Variants in PTAFR observed in about 807,000 individuals in gnomAD.
The protein encoded by PTAFR is platelet activating factor receptor.
In PTAFR, 8 loss-of-function variants were observed where a neutral mutation model predicts 14.7. The ratio of observed to expected loss-of-function variants is 0.54; its 90% confidence interval spans 0.32 to 0.98. The LOEUF (loss-of-function observed/expected upper bound fraction) is 0.98. Ranked by LOEUF, PTAFR falls within the 50% of genes least tolerant of loss-of-function variation. The probability of loss-of-function intolerance (pLI) is 0.04; values close to 1 mark genes in which losing one functional copy is unlikely to be tolerated. For missense variants in PTAFR, 337 were observed against 451.2 expected (o/e 0.75, Z 2.29); for synonymous variants, 156 against 176.5 (o/e 0.88, Z 0.92).
chr1:28,186,445 C>G (rs184336707), intron 1 of PTAFR, among the ~76,000 whole-genome samples: 3 of 152,196 alleles, frequency 2.0e-5, no homozygotes, highest in Admixed American at 2.0e-4. Flanking sequence ...AGAACCAGTA[C>G]AATCAAAATC....
rs910468207 is a variant in PTAFR at position 28,158,428 on chromosome 1, G to T, written c.-38-7369C>A. Among the ~76,000 whole-genome samples the T allele has an allele frequency of 3.3e-5, 5 of 152,296 alleles. No individual in the cohort carries two copies. The South Asian group carries it at 1.0e-3, about 32-fold the overall frequency. ...AAAAATAAGCAACAGGGCCAGGCGC[G>T]GTGGCTCACGCCTGTAATCCCAGCA... On this transcript the variant is annotated intron_variant, in intron 1 of 1. Coordinates refer to ENST00000373857, the MANE Select transcript of PTAFR (RefSeq NM_000952.5).
chr1:28,184,997 C>T (rs1220834371), intron 1 of PTAFR, among the ~76,000 whole-genome samples: 2 of 152,104 alleles, frequency 1.3e-5, no homozygotes, highest in Non-Finnish European at 2.9e-5. Context: ...TCCTCAGACA[C>T]TCAAAGTTAG....
upstream of PTAFR, among the ~76,000 whole-genome samples, chr1:28,180,916 GA>G (rs903646681): frequency 4.6e-5 from 7 of 151,878 alleles, no homozygotes; most frequent in African/African-American, 1.7e-4. Flanking sequence ...TGAAGGGAGA[GA>G]GGGGAGAAAT....
chr1:28,168,346 CACCT>C (rs758791004), intron 1 of PTAFR, among the ~76,000 whole-genome samples: 45 of 152,098 alleles, frequency 3.0e-4, no homozygotes, highest in Admixed American at 7.2e-4. Flanking sequence ...AGCGTGGAAA[CACCT>C]AACATGTCCA....
At chr1:28,182,263 G>A (rs1465707372) in intron 1 of PTAFR, among the ~76,000 whole-genome samples, 1 of 152,034 alleles carries the variant, frequency 6.6e-6, no homozygotes, top group African/African-American at 2.4e-5. Context: ...TTGAACCTGG[G>A]AGGCAGAGAT....
In PTAFR at chr1:28,162,721, G is replaced by C. The variant is rs1000390469; in HGVS notation, c.-38-11662C>G. On this transcript the variant is annotated intron_variant, in intron 1 of 1. Coordinates refer to ENST00000373857, the MANE Select transcript of PTAFR (RefSeq NM_000952.5). ...GGTGCCTGTAATCCCAGCTACTCTG[G>C]AGGCTGAGGCAGGAGAATAATTGCT... Among the ~76,000 whole-genome samples the C allele has an allele frequency of 2.6e-5, 4 of 151,158 alleles. No individual in the cohort carries two copies. The East Asian group carries it at 7.8e-4, about 29-fold the overall frequency.
At chr1:28,151,184 T>C in intron 1 of PTAFR, 125 bp from the exon 2 acceptor site, 2 of 203,284 alleles carry the variant, frequency 9.8e-6, no homozygotes, top group Non-Finnish European at 1.9e-5. Flanking sequence ...ATGTTGAATC[T>C]TTTTTTTTTT....
At chr1:28,167,149 A>G (rs1646394497) in intron 1 of PTAFR, among the ~76,000 whole-genome samples, 1 of 152,204 alleles carries the variant, frequency 6.6e-6, no homozygotes, top group Non-Finnish European at 1.5e-5. Context: ...GCAAAGGAAA[A>G]CAATCAGCAG....
intron 1 of PTAFR, among the ~76,000 whole-genome samples, chr1:28,190,711 C>T (rs979831841): frequency 1.3e-5 from 2 of 152,116 alleles, no homozygotes; most frequent in Admixed American, 1.3e-4. Context: ...AACCAGAGGT[C>T]TCTGAGAGCC....
At chr1:28,180,081 G>A (rs1646549919), upstream of PTAFR, among the ~76,000 whole-genome samples, 1 of 152,184 alleles carries the variant, frequency 6.6e-6, no homozygotes, top group Admixed American at 6.5e-5. Flanking sequence ...AGCTGAGGCG[G>A]AAGGATCCCC....
chr1:28,193,144 G>A (rs1277091249), intron 1 of PTAFR, among the ~76,000 whole-genome samples: 2 of 152,090 alleles, frequency 1.3e-5, no homozygotes, highest in Non-Finnish European at 2.9e-5. Flanking sequence ...GGAGTTCTGT[G>A]ATATGTACAG....
At chr1:28,166,579 G>A (rs1387360522) in intron 1 of PTAFR, among the ~76,000 whole-genome samples, 6 of 151,938 alleles carry the variant, frequency 3.9e-5, no homozygotes, top group African/African-American at 7.3e-5. Context: ...GCTGAGGCAC[G>A]AGAATCACTT....
rs141858414 is a variant in PTAFR, at chr1:28,150,836, C to T, written c.186G>A (p.Ala62=). Residue 62 remains alanine (A), a synonymous_variant, in exon 2 of 2, where the codon GCG becomes GCA. Transcript: ENST00000373857. This position sits in a 1 kb window ranked among gnomAD's most constrained non-coding sequence, Gnocchi z 6.3. The part of the protein sequence containing the change: ...IKIFMVNLTM[A]DMLFLITLPL... The stretch of plus-strand genomic sequence containing the variant: ...GCAGGGTGATCAAGAAGAGCATGTC[C>T]GCCATGGTGAGGTTCACCATGAAGA... 1,932 of 1,614,088 alleles carry T rather than the reference C, an allele frequency of 1.2e-3. 2 individuals are homozygous for T. The highest frequency in any genetic ancestry group is 1.6e-3 in the Non-Finnish European group (1,836 of 1,180,040).
intron 1 of PTAFR, among the ~76,000 whole-genome samples, chr1:28,165,691 G>A (rs1298766425): frequency 6.6e-6 from 1 of 151,900 alleles, no homozygotes; most frequent in African/African-American, 2.4e-5. Flanking sequence ...GCTGAGGCAG[G>A]AGAATGGCAT....
chr1:28,159,599 A>G (rs1646301216), intron 1 of PTAFR, among the ~76,000 whole-genome samples: 1 of 152,020 alleles, frequency 6.6e-6, no homozygotes, highest in Non-Finnish European at 1.5e-5. Context: ...GCACTTTGGG[A>G]GGCCGAGGCA....
At chr1:28,187,815 A>T (rs1000027735) in intron 1 of PTAFR, among the ~76,000 whole-genome samples, 5 of 152,236 alleles carry the variant, frequency 3.3e-5, no homozygotes, top group African/African-American at 1.2e-4. Flanking sequence ...CATGGAAATT[A>T]CACATAATAA....
In PTAFR at chr1:28,150,485, C is replaced by T. The variant is rs766123867; in HGVS notation, c.537G>A (p.Lys179=). 3.7e-6 allele frequency: 6 copies of T among 1,614,214 alleles called. No individual in the cohort carries two copies. Among genetic ancestry groups the T allele is most frequent in the African/African-American group, 1.3e-5 (1 of 75,062 alleles). The change falls in exon 2 of 2, where the codon AAG becomes AAA. Residue 179 remains lysine (K), a synonymous_variant. Coordinates refer to ENST00000373857, the MANE Select transcript of PTAFR (RefSeq NM_000952.5). This position sits in a 1 kb window ranked among gnomAD's most constrained non-coding sequence, Gnocchi z 6.3. ...GGATGATGAGGACTGGCACGCTGCC[C>T]TTCTCGTAATGCTCAAAGCAGCGAG... ...NVTRCFEHYE[K]GSVPVLIIHI... is the part of the protein sequence containing the mutation.
At chr1:28,193,360 T>C (rs1316982116) in intron 1 of PTAFR, among the ~76,000 whole-genome samples, 1 of 152,106 alleles carries the variant, frequency 6.6e-6, no homozygotes, top group East Asian at 1.9e-4. Context: ...ATATTGTCCG[T>C]TGGTGCCCGT....
At chr1:28,182,051 T>G (rs1166431820) in intron 1 of PTAFR, among the ~76,000 whole-genome samples, 1 of 150,764 alleles carries the variant, frequency 6.6e-6, no homozygotes, top group East Asian at 2.0e-4. Context: ...AAGAAAGAAA[T>G]TGGGCCAGGC....
Sources: gnomAD v4.1 joint callset for allele counts (sites outside exome capture counted in the v4.1 genomes callset) on GRCh38, gnomAD v4.1.1 for gene constraint, Gnocchi (gnomAD v3.1) non-coding constraint, MANE v1.5 for transcripts, NCBI Gene and HGNC (gene_info 2026-07-23, HGNC 2026-07-21) for gene names.